The following ZFYVE9 variants were observed in gnomAD, a reference collection of about 807,000 sequenced individuals.
The protein encoded by ZFYVE9 is zinc finger FYVE-type containing 9.
A neutral mutation model predicts 126.7 loss-of-function variants in ZFYVE9; 43 were observed. The ratio of observed to expected loss-of-function variants is 0.34; its 90% CI spans 0.27 to 0.44. ZFYVE9 has a LOEUF of 0.44. Ranked by LOEUF, ZFYVE9 falls within the 20% of genes least tolerant of loss-of-function variation. ZFYVE9 has a pLI of 1.00. For synonymous variants in ZFYVE9, 521 were observed against 597.4 expected (o/e 0.87, Z 1.87); for missense variants, 1,476 against 1,697.0 (o/e 0.87, Z 2.29).
At chr1:52,272,822 C>T (rs1483738111) in intron 7 of ZFYVE9, among the ~76,000 whole-genome samples, 2 of 151,348 alleles carry the variant, frequency 1.3e-5, no homozygotes, top group Non-Finnish European at 2.9e-5. Context: ...GGCACACGCC[C>T]AGCTAATTTT....
chr1:52,333,810 GCA>G, intron 14 of ZFYVE9, among the ~76,000 whole-genome samples: 1 of 133,868 alleles, frequency 7.5e-6, no homozygotes, highest in African/African-American at 3.6e-5. Flanking sequence ...AAAAAAAAAA[GCA>G]GGGCATGGTG....
At chr1:52,188,458 T>C (rs1445949356) in intron 1 of ZFYVE9, among the ~76,000 whole-genome samples, 1 of 152,214 alleles carries the variant, frequency 6.6e-6, no homozygotes, top group Non-Finnish European at 1.5e-5. Context: ...AACCTGCACT[T>C]GTACCCCTGA....
intron 13 of ZFYVE9, among the ~76,000 whole-genome samples, chr1:52,310,836 A>G (rs950325176): frequency 6.6e-6 from 1 of 152,184 alleles, no homozygotes; most frequent in Non-Finnish European, 1.5e-5. Context: ...CCTCTGGGGC[A>G]TTTCCTAATA....
intron 13 of ZFYVE9, among the ~76,000 whole-genome samples, chr1:52,318,791 A>G (rs1465910654): frequency 6.6e-6 from 1 of 152,118 alleles, no homozygotes; most frequent in African/African-American, 2.4e-5. Context: ...ACAATTGAAT[A>G]TAGAAATTTA....
chr1:52,340,268 G>C (rs1646422081), intron 17 of ZFYVE9, 37 bp downstream of exon 17: 1 of 1,547,030 alleles, frequency 6.5e-7, no homozygotes, highest in Admixed American at 1.8e-5. Flanking sequence ...GACCCACTTT[G>C]AGCACAACTT....
At chr1:52,255,120 T>G (rs1037468500) in intron 4 of ZFYVE9, among the ~76,000 whole-genome samples, 1 of 149,954 alleles carries the variant, frequency 6.7e-6, no homozygotes, top group Non-Finnish European at 1.5e-5. Flanking sequence ...TAATGGTAAG[T>G]TAAGTACAAT....
At chr1:52,157,732 A>C (rs1445574095) in intron 1 of ZFYVE9, among the ~76,000 whole-genome samples, 16 of 151,980 alleles carry the variant, frequency 1.1e-4, no homozygotes, top group Admixed American at 1.0e-3. Context: ...AACTATCTCC[A>C]CAGCTCCCTG....
intron 1 of ZFYVE9, among the ~76,000 whole-genome samples, chr1:52,193,815 CACAT>C (rs1280742866): frequency 1.3e-5 from 2 of 151,508 alleles, no homozygotes; most frequent in South Asian, 2.1e-4. Context: ...CGCACACACA[CACAT>C]GTGTCCAAGG....
intron 1 of ZFYVE9, among the ~76,000 whole-genome samples, chr1:52,175,715 T>G (rs549077795): frequency 6.6e-6 from 1 of 152,316 alleles, no homozygotes; most frequent in East Asian, 1.9e-4. Context: ...TTTTTATTCT[T>G]TTTTCTCTAA....
intron 1 of ZFYVE9, among the ~76,000 whole-genome samples, chr1:52,195,493 A>G (rs927748951): frequency 6.6e-6 from 1 of 152,234 alleles, no homozygotes; most frequent in African/African-American, 2.4e-5. Flanking sequence ...AACAAAGAGC[A>G]TTAAGAGAAG....
At chr1:52,207,386 A>C (rs932324164) in intron 1 of ZFYVE9, among the ~76,000 whole-genome samples, 2 of 152,194 alleles carry the variant, frequency 1.3e-5, no homozygotes, top group Non-Finnish European at 1.5e-5. Flanking sequence ...ACTAGGTGAA[A>C]ACACTCACCT....
At chr1:52,247,419 A>G (rs1645397337) in intron 4 of ZFYVE9, among the ~76,000 whole-genome samples, 1 of 152,154 alleles carries the variant, frequency 6.6e-6, no homozygotes, top group Admixed American at 6.5e-5. Flanking sequence ...ACCAGTGTAT[A>G]TGGGTTTGAG....
intron 8 of ZFYVE9, 49 bp downstream of exon 8, chr1:52,274,633 T>C (rs1645727791): frequency 6.6e-7 from 1 of 1,515,476 alleles, no homozygotes; most frequent in African/African-American, 1.4e-5. Flanking sequence ...TGCCAAATGT[T>C]ACCTTCTAAT....
intron 2 of ZFYVE9, among the ~76,000 whole-genome samples, chr1:52,221,608 G>T (rs1435754570): frequency 6.6e-6 from 1 of 152,172 alleles, no homozygotes; most frequent in Non-Finnish European, 1.5e-5. Flanking sequence ...CAAGGCAGTT[G>T]CTGCTATGGA....
chr1:52,253,959 G>A (rs556175175), intron 4 of ZFYVE9: 60 of 850,930 alleles, frequency 7.1e-5, no homozygotes, highest in Non-Finnish European at 1.2e-4. Context: ...AACTTGAATT[G>A]GTGGAACCAA....
chr1:52,192,150 G>T (rs567038630), intron 1 of ZFYVE9, among the ~76,000 whole-genome samples: 1 of 152,114 alleles, frequency 6.6e-6, no homozygotes, highest in African/African-American at 2.4e-5. Context: ...TCTTAGAGGA[G>T]GGGATTGCTT....
intron 12 of ZFYVE9, among the ~76,000 whole-genome samples, chr1:52,296,999 G>A (rs1053095619): frequency 1.2e-4 from 19 of 152,172 alleles, no homozygotes; most frequent in Admixed American, 3.9e-4. Flanking sequence ...TAGAGAGAGC[G>A]TTTTGCTATG....
chr1:52,282,242 A>G (rs1645812192), intron 10 of ZFYVE9, among the ~76,000 whole-genome samples: 1 of 151,854 alleles, frequency 6.6e-6, no homozygotes, highest in Admixed American at 6.5e-5. Context: ...TAAATTGTAA[A>G]TATTAACTGT....
At chr1:52,292,406 T>A (rs1447642237) in intron 10 of ZFYVE9, among the ~76,000 whole-genome samples, 4 of 151,774 alleles carry the variant, frequency 2.6e-5, no homozygotes, top group Non-Finnish European at 5.9e-5. Flanking sequence ...TGTTCATGAG[T>A]TGACTTTGTT....
Sources: allele counts gnomAD v4.1 joint callset (sites outside exome capture counted in the v4.1 genomes callset), GRCh38; gene constraint gnomAD v4.1.1; transcripts MANE v1.5; gene names NCBI Gene and HGNC (gene_info 2026-07-23, HGNC 2026-07-21).